Variants in BCL2L13 observed in about 807,000 individuals in gnomAD.
The protein encoded by BCL2L13 is BCL2 like 13.
Under a neutral mutation model 25.8 loss-of-function variants are expected in BCL2L13, and 13 were observed. The ratio of observed to expected loss-of-function variants is 0.50; its 90% CI spans 0.33 to 0.80. The LOEUF (loss-of-function observed/expected upper bound fraction) is 0.80. Ranked by LOEUF, BCL2L13 falls within the 30% of genes least tolerant of loss-of-function variation. The pLI, the probability that BCL2L13 is intolerant of heterozygous loss-of-function variation, is 0.02. For missense variants in BCL2L13, 504 were observed against 574.9 expected, an observed-to-expected ratio of 0.88 and a Z score of 1.26; for synonymous variants, 244 against 230.3, an observed-to-expected ratio of 1.06 and a Z score of -0.54.
intron 3 of BCL2L13, among the ~76,000 whole-genome samples, chr22:17,683,844 C>CATTATTATTATT (rs57407987): frequency 3.5e-5 from 5 of 144,434 alleles, no homozygotes; most frequent in African/African-American, 1.3e-4. Flanking sequence ...TCAGTCATTC[C>CATTATTATTATT]ATTATTATTA....
intron 6 of BCL2L13, chr22:17,706,865 A>G (rs768292234): frequency 1.5e-6 from 2 of 1,333,140 alleles, no homozygotes. Context: ...TCACATGATA[A>G]ATACTTCTTG....
At chr22:17,680,305 T>A (rs1241992715) in intron 2 of BCL2L13, among the ~76,000 whole-genome samples, 3 of 145,628 alleles carry the variant, frequency 2.1e-5, no homozygotes, top group Non-Finnish European at 1.5e-5. Context: ...GGTCAGGAGA[T>A]CAAGACCATC....
chr22:17,707,598 T>G (rs1216109534), intron 6 of BCL2L13, among the ~76,000 whole-genome samples: 4 of 152,190 alleles, frequency 2.6e-5, no homozygotes, highest in Non-Finnish European at 2.9e-5. Flanking sequence ...TTGTAGATGT[T>G]ATTCTAATGT....
intron 1 of BCL2L13, among the ~76,000 whole-genome samples, chr22:17,646,888 TTGTGTGTGTGTGTG>T (rs71201853): frequency 5.6e-5 from 5 of 89,922 alleles, no homozygotes; most frequent in Admixed American, 1.7e-4. Flanking sequence ...CCCAGCTAAT[TTGTGTGTGTGTGTG>T]TGTGTGTGTG....
In BCL2L13 at chr22:17,647,442, C is replaced by G. The variant is rs1172632012; in HGVS notation, c.-50-8220C>G. Among the ~76,000 whole-genome samples the G allele has an allele frequency of 2.6e-5, 4 of 151,776 alleles. No homozygotes were observed. In the South Asian group the frequency reaches 8.3e-4, roughly 31 times the overall value. ...TTTCATCCAATCTAGCTTTTTTTTC[C>G]CCCCGTCCATTCTCAAAACTGACAA... On this transcript the variant is annotated intron_variant, in intron 1 of 6. Coordinates refer to ENST00000317582, the MANE Select transcript of BCL2L13 (RefSeq NM_015367.4).
intron 2 of BCL2L13, among the ~76,000 whole-genome samples, chr22:17,662,240 AG>A (rs1324554183): frequency 2.6e-5 from 4 of 152,178 alleles, no homozygotes; most frequent in Non-Finnish European, 5.9e-5. Context: ...GCATTTTGGG[AG>A]GCCAAGGCGG....
intron 3 of BCL2L13, among the ~76,000 whole-genome samples, chr22:17,687,126 G>A (rs1450381153): frequency 1.3e-5 from 2 of 152,276 alleles, no homozygotes; most frequent in East Asian, 3.9e-4. Flanking sequence ...GTAAGCGTTA[G>A]ATTAATGCAA....
chr22:17,666,584 A>G (rs2059240496), intron 2 of BCL2L13, among the ~76,000 whole-genome samples: 2 of 151,830 alleles, frequency 1.3e-5, no homozygotes, highest in South Asian at 4.2e-4. Flanking sequence ...ATAAGTGAGA[A>G]TATGCAATGT....
At chr22:17,639,336 T>C (rs2058184503) in intron 1 of BCL2L13, among the ~76,000 whole-genome samples, 1 of 152,262 alleles carries the variant, frequency 6.6e-6, no homozygotes, top group Non-Finnish European at 1.5e-5. Context: ...TTCTCAGAGA[T>C]TGTTAGAAGT....
At chr22:17,631,599 G>C (rs1288448170) in intron 1 of BCL2L13, among the ~76,000 whole-genome samples, 1 of 139,728 alleles carries the variant, frequency 7.2e-6, no homozygotes, top group Non-Finnish European at 1.5e-5. Flanking sequence ...CCTGGGCTCA[G>C]GGGATCCTCC....
Position 17,727,071 on chromosome 22 carries a change from G to T in BCL2L13, c.995G>T (p.Arg332Leu). The T allele has an allele frequency of 6.2e-7, 1 of 1,614,178 alleles. No individual in the cohort carries two copies. Among genetic ancestry groups the T allele is most frequent in the Non-Finnish European group, 8.5e-7 (1 of 1,180,032 alleles). ...AAVASVVLPA[R>L]ELQEALPEAP... ...GTGGCTTCTGTGGTCTTGCCAGCGC[G>T]GGAGCTGCAAGAGGCACTTCCTGAA... The change falls in exon 7 of 7, where the codon CGG (arginine) becomes CTG (leucine). Residue 332 changes from arginine (R) to leucine (L), a missense_variant. Coordinates refer to ENST00000317582, the MANE Select transcript of BCL2L13 (RefSeq NM_015367.4).
chr22:17,662,796 CAG>C (rs1568942921), intron 2 of BCL2L13, among the ~76,000 whole-genome samples: 1 of 152,208 alleles, frequency 6.6e-6, no homozygotes, highest in Admixed American at 6.6e-5. Context: ...TCCTAGGCGA[CAG>C]AGCGAGACTT....
intron 3 of BCL2L13, 85 bp downstream of exon 3, chr22:17,683,406 G>A (rs1262405981): frequency 2.6e-6 from 2 of 764,046 alleles, no homozygotes; most frequent in East Asian, 2.8e-5. Flanking sequence ...TTTACAGTGG[G>A]GTATTCTCAA....
chr22:17,689,904 T>C (rs1045057834), intron 4 of BCL2L13, among the ~76,000 whole-genome samples: 1 of 151,696 alleles, frequency 6.6e-6, no homozygotes, highest in Admixed American at 6.6e-5. Context: ...TGCTCAACTT[T>C]AGGGTTGCAC....
chr22:17,687,010 A>T (rs1488300252), intron 3 of BCL2L13, among the ~76,000 whole-genome samples: 1 of 152,174 alleles, frequency 6.6e-6, no homozygotes, highest in South Asian at 2.1e-4. Context: ...CAGCTTGCTC[A>T]AACAACAAAG....
intron 2 of BCL2L13, among the ~76,000 whole-genome samples, chr22:17,671,318 C>A (rs147040398): frequency 6.7e-6 from 1 of 150,076 alleles, no homozygotes; most frequent in Non-Finnish European, 1.5e-5. Flanking sequence ...GGCGTGTACC[C>A]GGGAGACAGA....
At chr22:17,696,351 G>A in intron 5 of BCL2L13, 141 bp downstream of exon 5, 1 of 744,568 alleles carries the variant, frequency 1.3e-6, no homozygotes, top group Non-Finnish European at 2.2e-6. Context: ...GATATTTTTG[G>A]TTAAACTGGT....
intron 5 of BCL2L13, among the ~76,000 whole-genome samples, chr22:17,697,585 T>C (rs1029141219): frequency 6.6e-6 from 1 of 152,186 alleles, no homozygotes; most frequent in Non-Finnish European, 1.5e-5. Context: ...TAGAATTAAA[T>C]GAGATAATAC....
chr22:17,683,402 G>T (rs2059813627), intron 3 of BCL2L13, 81 bp downstream of exon 3: 1 of 798,092 alleles, frequency 1.3e-6, no homozygotes, highest in Non-Finnish European at 2.0e-6. Flanking sequence ...GATTTTTACA[G>T]TGGGGTATTC....
Sources: gnomAD v4.1 joint callset for allele counts (sites outside exome capture counted in the v4.1 genomes callset) on GRCh38, gnomAD v4.1.1 for gene constraint, MANE v1.5 for transcripts, NCBI Gene and HGNC (gene_info 2026-07-23, HGNC 2026-07-21) for gene names.